Variants in HPSE observed in about 807,000 individuals in gnomAD.
HPSE encodes endo-glucoronidase.
A neutral mutation model predicts 65.1 loss-of-function variants in HPSE; 48 were observed. The ratio of observed to expected loss-of-function variants is 0.74; its 90% CI spans 0.58 to 0.94. The LOEUF (loss-of-function observed/expected upper bound fraction) is 0.94, where lower values mean the gene tolerates loss of function less well. HPSE is among the 40% of genes least tolerant of loss of function. The pLI is 0.00. For missense variants in HPSE, 644 were observed against 637.5 expected, an observed-to-expected ratio of 1.01 and a Z score of -0.11; for synonymous variants, 243 against 260.0, an observed-to-expected ratio of 0.93 and a Z score of 0.63.
intron 5 of HPSE, 76 bp downstream of exon 5, chr4:83,310,646 T>C: frequency 7.1e-7 from 1 of 1,402,054 alleles, no homozygotes; most frequent in Admixed American, 2.1e-5. Context: ...CACTCCAGTC[T>C]GGCTGACAGA....
chr4:83,309,056 C>T (rs1291387212), intron 7 of HPSE, 105 bp from the exon 8 acceptor site: 5 of 790,916 alleles, frequency 6.3e-6, no homozygotes, highest in African/African-American at 3.5e-5. Context: ...TTCCTAGACC[C>T]ACCCCTCCTA....
In HPSE at chr4:83,322,328, A is replaced by T; in HGVS notation, c.264T>A (p.Ser88=). 1 of 1,613,792 alleles carries T rather than the reference A, an allele frequency of 6.2e-7. No homozygotes were observed. Among genetic ancestry groups the T allele is most frequent in the East Asian group, 2.2e-5 (1 of 44,880 alleles). Residue 88 remains serine, a synonymous_variant, in exon 2 of 12, where the codon TCT becomes TCA. Coordinates refer to ENST00000311412, the MANE Select transcript of HPSE (RefSeq NM_001098540.3). ...PKLRTLARGL[S]PAYLRFGGTK... Reference sequence around the variant, plus strand: ...TGCCACCAAACCTCAGGTACGCAGGAGACAAGCCTCTGGCCAAGGTACGAA... The same window carrying T: ...TGCCACCAAACCTCAGGTACGCAGGTGACAAGCCTCTGGCCAAGGTACGAA...
intron 10 of HPSE, among the ~76,000 whole-genome samples, chr4:83,301,472 A>G (rs1735945018): frequency 6.6e-6 from 1 of 152,198 alleles, no homozygotes; most frequent in African/African-American, 2.4e-5. Flanking sequence ...TGTGAATTCA[A>G]ATTATAAACC....
chr4:83,331,281 T>C (rs939528559), intron 1 of HPSE, among the ~76,000 whole-genome samples: 39 of 152,154 alleles, frequency 2.6e-4, no homozygotes, highest in African/African-American at 8.4e-4. Context: ...ATAGACTTGG[T>C]TTGAGAAAAG....
At chr4:83,322,821 G>GTGTGTT (rs1736974792) in intron 1 of HPSE, among the ~76,000 whole-genome samples, 1 of 148,578 alleles carries the variant, frequency 6.7e-6, no homozygotes, top group Admixed American at 6.8e-5. Context: ...GTGTGTGTGT[G>GTGTGTT]TGTGTGTGTG....
chr4:83,315,699 A>G (rs747126061), intron 3 of HPSE, among the ~76,000 whole-genome samples: 4 of 152,222 alleles, frequency 2.6e-5, no homozygotes, highest in Admixed American at 6.5e-5. Context: ...ATATGGATCT[A>G]AAGTCCTGGG....
chr4:83,320,565 CAAA>C (rs904935247), intron 2 of HPSE, among the ~76,000 whole-genome samples: 52 of 123,034 alleles, frequency 4.2e-4, no homozygotes, highest in Non-Finnish European at 7.5e-4. Flanking sequence ...GACCCTGTCT[CAAA>C]AAAAAAAAAA....
intron 11 of HPSE, among the ~76,000 whole-genome samples, chr4:83,299,091 C>T (rs62303676): frequency 0.24 from 36,484 of 151,698 alleles, 4,527 homozygotes; most frequent in Middle Eastern, 0.33. Flanking sequence ...GGGCAGGGCA[C>T]GGTGGCTCAC....
chr4:83,296,937 GC>G (rs1424574558), intron 11 of HPSE, among the ~76,000 whole-genome samples: 1 of 152,074 alleles, frequency 6.6e-6, no homozygotes, highest in Non-Finnish European at 1.5e-5. Context: ...ACAGTCATAT[GC>G]CACATAAGGA....
Position 83,334,754 on chromosome 4 carries a change from G to A in HPSE, c.29C>T (p.Pro10Leu). The A allele has an allele frequency of 6.4e-7, 1 of 1,552,244 alleles. No homozygotes were observed. The highest frequency in any genetic ancestry group is 1.9e-5 in the Admixed American group (1 of 51,404). MLLRSKPAL[P>L]PPLMLLLLGP... ...CAGGAGCAGCAGCATCAGCGGCGGC[G>A]GCAGCGCAGGCTTCGAGCGCAGCAG... The change falls in exon 1 of 12, where the codon CCG becomes CTG. Residue 10 changes from proline (P) to leucine (L), a missense_variant. By Grantham distance (98) the Pro-to-Leu change is moderately conservative. Coordinates refer to ENST00000311412, the MANE Select transcript of HPSE (RefSeq NM_001098540.3).
At chr4:83,295,582 T>G in intron 11 of HPSE, 79 bp from the exon 12 acceptor site, 1 of 1,242,040 alleles carries the variant, frequency 8.1e-7, no homozygotes, top group South Asian at 2.0e-5. Flanking sequence ...ATGAAATCTT[T>G]TTTAGACCAA....
rs767572781 is a variant in HPSE at position 83,295,515 on chromosome 4, A to T, written c.1473-12T>A. 9 of 1,558,830 alleles carry T rather than the reference A, an allele frequency of 5.8e-6. No individual in the cohort carries two copies. Among genetic ancestry groups the T allele is most frequent in the Non-Finnish European group, 7.9e-6 (9 of 1,145,484 alleles). ...TGAGTTGGACAGATCTGCAAAGGAG[A>T]AAGATACACCGAGTTAACCAAGTGG... On this transcript the variant is annotated splice_polypyrimidine_tract_variant and intron_variant, in intron 11 of 11. Transcript: ENST00000311412.
intron 1 of HPSE, among the ~76,000 whole-genome samples, chr4:83,334,293 A>G (rs1179916081): frequency 6.6e-6 from 1 of 152,198 alleles, no homozygotes; most frequent in Non-Finnish European, 1.5e-5. Flanking sequence ...AGATGCCACC[A>G]CAATGCAATA....
chr4:83,300,740 G>A (rs542710464), intron 11 of HPSE, among the ~76,000 whole-genome samples: 2,069 of 28,188 alleles, frequency 0.073, 442 homozygotes, highest in African/African-American at 0.12. Flanking sequence ...GCGTGAACCC[G>A]GGAGGCGGAG....
intron 3 of HPSE, among the ~76,000 whole-genome samples, chr4:83,314,437 T>C (rs1736549709): frequency 6.6e-6 from 1 of 152,336 alleles, no homozygotes; most frequent in Admixed American, 6.5e-5. Context: ...AGCATTACTA[T>C]TGGACCTATT....
chr4:83,310,788 T>C lies in HPSE; in HGVS notation c.776A>G (p.Lys259Arg), dbSNP rs771952831. 2 of 1,614,206 alleles carry C rather than the reference T, an allele frequency of 1.2e-6. No individual in the cohort carries two copies. The highest frequency in any genetic ancestry group is 2.2e-5 in the East Asian group (1 of 44,888). ...ATCAGGACCATAGAGTTTTGCATTT[T>C]TGAAGGTGGACTTTCTTAGAAGTTT... ...LHKLLRKSTF[K>R]NAKLYGPDVG... The change falls in exon 5 of 12, where the codon AAA becomes AGA. Residue 259 changes from lysine to arginine, a missense_variant. Physicochemically the swap from Lys to Arg is conservative, Grantham distance 26. Transcript: ENST00000311412.
chr4:83,330,719 T>C lies in HPSE; in HGVS notation c.227+3837A>G, dbSNP rs72938133. ...GCAATGAAAAGCAAGCATGGTTGCA[T>C]TATCACTGAGATTGCTGTTCGTACC... On this transcript the variant is annotated intron_variant, in intron 1 of 11. Coordinates refer to ENST00000311412, the MANE Select transcript of HPSE (RefSeq NM_001098540.3). Among the ~76,000 whole-genome samples, 449 of 152,350 alleles carry C rather than the reference T, an allele frequency of 2.9e-3. 5 individuals are homozygous for C. The highest frequency in any genetic ancestry group is 0.01 in the African/African-American group (436 of 41,592).
At chr4:83,301,233 G>T in intron 10 of HPSE, 127 bp from the exon 11 acceptor site, 1 of 559,650 alleles carries the variant, frequency 1.8e-6, no homozygotes, top group Non-Finnish European at 3.0e-6. Flanking sequence ...TAAGTATTAG[G>T]ATCCATAATG....
chr4:83,310,360 C>CT (rs11447474), intron 5 of HPSE, among the ~76,000 whole-genome samples: 103,009 of 148,070 alleles, frequency 0.7, 36,262 homozygotes, highest in East Asian at 0.87. Flanking sequence ...CAGAGAGAAT[C>CT]TTTTTTTTTT....
Sources: allele counts gnomAD v4.1 joint callset (sites outside exome capture counted in the v4.1 genomes callset), GRCh38; gene constraint gnomAD v4.1.1; transcripts MANE v1.5; gene names NCBI Gene and HGNC (gene_info 2026-07-23, HGNC 2026-07-21).